Variants in SZT2 observed in about 807,000 individuals in gnomAD.
The protein encoded by SZT2 is KICSTOR complex protein SZT2.
Under a neutral mutation model 404.2 loss-of-function variants are expected in SZT2, and 216 were observed. That is an observed-to-expected ratio of 0.53 (90% CI 0.48 to 0.60). The LOEUF is 0.60. SZT2 is among the 20% of genes least tolerant of loss of function. The pLI is 0.00. For synonymous variants in SZT2, 1,693 were observed against 1,749.9 expected, an observed-to-expected ratio of 0.97 and a Z score of 0.81; for missense variants, 3,857 against 4,459.2, an observed-to-expected ratio of 0.86 and a Z score of 3.85.
rs751451028 is a variant in SZT2, at chr1:43,450,388, G to A, written c.10207G>A (p.Glu3403Lys). The change falls in exon 72 of 72, where the codon GAG (glutamate) becomes AAG (lysine). Residue 3403 changes from glutamate to lysine, a missense_variant. By Grantham distance (56) the Glu-to-Lys change is moderately conservative (BLOSUM62 1). Around this residue, in one of 7 missense-constraint regions of SZT2, gnomAD observed 717 missense variants for 868.2 expected, o/e 0.83. Transcript: ENST00000634258. This position sits in a 1 kb window ranked among gnomAD's most constrained non-coding sequence, Gnocchi z 4.3. Reference protein sequence around the residue: ...EPFPVQPQDSESPPAQLVSTY... With the variant: ...EPFPVQPQDSKSPPAQLVSTY... ...CTTCCCAGTACAGCCCCAGGACAGC[G>A]AGAGCCCCCCTGCCCAACTGGTCTC... is the stretch of plus-strand genomic sequence containing the variant. The A allele has an allele frequency of 6.8e-6, 11 of 1,613,992 alleles. No individual in the cohort carries two copies. The highest frequency in any genetic ancestry group is 1.3e-5 in the African/African-American group (1 of 74,984).
In SZT2 at chr1:43,404,457, C is replaced by T. The variant is rs908636957; in HGVS notation, c.405C>T (p.Pro135=). 1 of 1,614,076 alleles carries T rather than the reference C, an allele frequency of 6.2e-7. No homozygotes were observed. The highest frequency in any genetic ancestry group is 8.5e-7 in the Non-Finnish European group (1 of 1,180,020). Residue 135 remains proline (P), a synonymous_variant, in exon 4 of 72, where the codon CCC becomes CCT. Coordinates refer to ENST00000634258, the MANE Select transcript of SZT2 (RefSeq NM_001365999.1). ...GCTGCTTAGGCGGGCTGCTTCGGCC[C>T]TTCCGAGTGCCTGGATCTTGCATCG... is the stretch of plus-strand genomic sequence containing the variant. The part of the protein sequence containing the change: ...LSRCLGGLLR[P]FRVPGSCIDF...
Position 43,432,401 on chromosome 1 carries a change from C to A in SZT2, c.5404C>A (p.His1802Asn). The A allele has an allele frequency of 6.3e-7, 1 of 1,591,182 alleles. No individual in the cohort carries two copies. Among genetic ancestry groups the A allele is most frequent in the South Asian group, 1.1e-5 (1 of 87,234 alleles). ...GEPSSAAWAW[H>N]SHEDRAEGIE... ...GCCTTCTTCAGCGGCCTGGGCTTGG[C>A]ACAGTCATGAGGACAGGGCTGAAGG... is the stretch of plus-strand genomic sequence containing the variant. The change falls in exon 37 of 72, where the codon CAC (histidine) becomes AAC (asparagine). Residue 1802 changes from histidine (H) to asparagine (N), a missense_variant. His to Asn is a moderately conservative substitution (Grantham distance 68). Around this residue, in one of 7 missense-constraint regions of SZT2, gnomAD observed 1,725 missense variants for 1,881.0 expected, o/e 0.92. Coordinates refer to ENST00000634258, the MANE Select transcript of SZT2 (RefSeq NM_001365999.1).
Position 43,433,025 on chromosome 1 carries a change from G to C in SZT2, c.5639G>C (p.Gly1880Ala). Residue 1880 changes from glycine to alanine, a missense_variant, in exon 40 of 72, where the codon GGT becomes GCT. Physicochemically the swap from Gly to Ala is moderately conservative, Grantham distance 60. Transcript: ENST00000634258. The part of the protein sequence containing the change: ...DGGSSGSDSE[G>A]PNDTLGEKAP... The stretch of plus-strand genomic sequence containing the variant: ...GGCAGCAGTGGCTCAGACAGTGAGG[G>C]TCCCAATGACACCCTTGGTGAGAAG... 1 of 1,614,082 alleles carries C rather than the reference G, an allele frequency of 6.2e-7. No homozygotes were observed. The highest frequency in any genetic ancestry group is 8.5e-7 in the Non-Finnish European group (1 of 1,180,034).
rs199830565 is a variant in SZT2, at chr1:43,441,505, C to T, written c.7513C>T (p.Arg2505Cys). The change falls in exon 54 of 72, where the codon CGC becomes TGC. Residue 2505 changes from arginine (R) to cysteine (C), a missense_variant and splice_region_variant. By Grantham distance (180) the Arg-to-Cys change is radical. This residue lies in a region of SZT2 where 573 missense variants were observed against 592.4 expected (regional missense o/e 0.97). Coordinates refer to ENST00000634258, the MANE Select transcript of SZT2 (RefSeq NM_001365999.1). This position sits in a 1 kb window ranked among gnomAD's most constrained non-coding sequence, Gnocchi z 4.8. ...GSDSGAQRQK[R>C]RTTQLEEGEV... ...GGCTCTTACTCCCACTGTCTTCAGG[C>T]GCCGGACAACACAGCTAGAAGAGGG... The T allele has an allele frequency of 3.8e-4, 608 of 1,613,088 alleles. 1 individual carries two copies. Among genetic ancestry groups the T allele is most frequent in the Non-Finnish European group, 4.8e-4 (566 of 1,179,488 alleles).
chr1:43,446,862 A>G (rs1339177802), intron 65 of SZT2, 93 bp from the exon 66 acceptor site: 2 of 1,354,624 alleles, frequency 1.5e-6, no homozygotes, highest in African/African-American at 1.4e-5. Context: ...AGCAGGGGAA[A>G]TCTTGTGCTT....
intron 7 of SZT2, among the ~76,000 whole-genome samples, chr1:43,418,996 C>T (rs1652019903): frequency 1.3e-5 from 2 of 152,196 alleles, no homozygotes; most frequent in Admixed American, 6.5e-5. Context: ...GAGTAAGTTA[C>T]TGGAGATGAG....
At chr1:43,433,243 T>G (rs1185680074) in intron 40 of SZT2, 53 bp downstream of exon 40, 4 of 1,574,720 alleles carry the variant, frequency 2.5e-6, no homozygotes, top group Non-Finnish European at 3.5e-6. Context: ...CTCTTCTCTC[T>G]GCTCCCACAG....
intron 1 of SZT2, among the ~76,000 whole-genome samples, chr1:43,397,821 G>A (rs1036441000): frequency 2.6e-5 from 4 of 152,094 alleles, no homozygotes; most frequent in South Asian, 2.1e-4. Context: ...GAGCCACTAC[G>A]CCCGGCCCCT....
At position 43,452,560 on chromosome 1, in the gene SZT2, CT is replaced by C; in HGVS notation, c.*2083del. 1 of 621,452 alleles carries C rather than the reference CT, an allele frequency of 1.6e-6. No homozygotes were observed. Among genetic ancestry groups the C allele is most frequent in the Non-Finnish European group, 2.9e-6 (1 of 344,090 alleles). 38.5% of individuals were successfully genotyped at this position (621,452 alleles called of 1,614,324 possible). ...TCCTGCCTCCAGTACTTTCCAAAAC[CT>C]TTCCTTCCCTCGGTCCTTCTCCGCA... On this transcript the variant is annotated 3_prime_UTR_variant, in exon 72 of 72. Transcript: ENST00000634258.
chr1:43,428,084 G>C lies in SZT2; in HGVS notation c.3885G>C (p.Leu1295=). The change falls in exon 27 of 72, where the codon CTG becomes CTC. Residue 1295 remains leucine, a synonymous_variant. Transcript: ENST00000634258. ...AGGAGGCAGCTAACCACTGTGCCCT[G>C]CTGCAGGAGCATGCACAGCGGTGCT... ...RYKEAANHCA[L]LQEHAQRCYV... is the part of the protein sequence containing the mutation. 6.2e-7 allele frequency: 1 copy of C among 1,614,208 alleles called. No individual in the cohort carries two copies. The highest frequency in any genetic ancestry group is 8.5e-7 in the Non-Finnish European group (1 of 1,180,026).
rs747657843 is a variant in SZT2, at chr1:43,426,043, G to A, written c.2935G>A (p.Asp979Asn). The A allele has an allele frequency of 2.5e-6, 4 of 1,613,884 alleles. No homozygotes were observed. The highest frequency in any genetic ancestry group is 1.3e-5 in the African/African-American group (1 of 74,864). Residue 979 changes from aspartate (D) to asparagine (N), a missense_variant, in exon 21 of 72, where the codon GAT becomes AAT. Around this residue, in one of 7 missense-constraint regions of SZT2, gnomAD observed 1,725 missense variants for 1,881.0 expected, o/e 0.92. Transcript: ENST00000634258. The surrounding 1 kb of genome is among the most constrained non-coding windows in gnomAD (Gnocchi z 4.9). ...CTGTCCTTCCTCCCTCGTAGGATTG[G>A]ATCAGGGAGGAGACACCTGCGTCCA... The part of the protein sequence containing the change: ...PPEPRVSDGL[D>N]QGGDTCVHEI...
chr1:43,450,375 G>A lies in SZT2; in HGVS notation c.10194G>A (p.Gln3398=), dbSNP rs746059703. ...TTTTCCGAGAGCCCTTCCCAGTACA[G>A]CCCCAGGACAGCGAGAGCCCCCCTG... ...TVVFREPFPV[Q]PQDSESPPAQ... The change falls in exon 72 of 72, where the codon CAG becomes CAA. Residue 3398 remains glutamine (Q), a synonymous_variant. Coordinates refer to ENST00000634258, the MANE Select transcript of SZT2 (RefSeq NM_001365999.1). This position sits in a 1 kb window ranked among gnomAD's most constrained non-coding sequence, Gnocchi z 4.3. 5.0e-6 allele frequency: 8 copies of A among 1,613,954 alleles called. No homozygotes were observed. The highest frequency in any genetic ancestry group is 3.3e-5 in the South Asian group (3 of 91,066).
intron 65 of SZT2, 127 bp downstream of exon 65, chr1:43,446,543 C>A: frequency 8.8e-7 from 1 of 1,136,752 alleles, no homozygotes; most frequent in Non-Finnish European, 1.3e-6. Flanking sequence ...TGATTCACTG[C>A]TATGGCCTGG....
Position 43,452,683 on chromosome 1 carries a change from G to A in SZT2, c.*2203G>A, listed in dbSNP as rs1426880681. 2.3e-5 allele frequency: 14 copies of A among 603,462 alleles called. No individual in the cohort carries two copies. Among genetic ancestry groups the A allele is most frequent in the African/African-American group, 9.3e-5 (5 of 53,824 alleles). 37.4% of individuals were successfully genotyped at this position (603,462 alleles called of 1,614,324 possible). ...GCTGCTGTCTCTACTTCCTCTCCTC[G>A]CATCTACTTAGCCTTTTCCCATCTG... is the stretch of plus-strand genomic sequence containing the variant. On this transcript the variant is annotated 3_prime_UTR_variant, in exon 72 of 72. Coordinates refer to ENST00000634258, the MANE Select transcript of SZT2 (RefSeq NM_001365999.1).
intron 4 of SZT2, chr1:43,412,827 G>T (rs1651231755): frequency 6.6e-6 from 1 of 151,774 alleles, no homozygotes; most frequent in Non-Finnish European, 1.5e-5. Context: ...TTTTAAAATG[G>T]GATTTTTTTT....
At chr1:43,443,883 T>C (rs1655377153) in intron 62 of SZT2, 87 bp downstream of exon 62, 2 of 1,532,482 alleles carry the variant, frequency 1.3e-6, no homozygotes, top group African/African-American at 1.4e-5. Context: ...TACAAGGTCC[T>C]ATGTTGACAA....
Position 43,429,489 on chromosome 1 carries a change from CA to C in SZT2, c.4167-206del, listed in dbSNP as rs936403739. The C allele has an allele frequency of 2.4e-4, 133 of 557,414 alleles. 1 individual carries two copies. The highest frequency in any genetic ancestry group is 2.8e-4 in the Non-Finnish European group (89 of 316,236). The allele number at this position is 557,414 out of a possible 1,614,324, so 34.5% of individuals were successfully genotyped here. A position where few individuals can be genotyped will look rare whatever the true frequency, so the allele number is the denominator to read the frequency against. On this transcript the variant is annotated intron_variant, in intron 28 of 71. Coordinates refer to ENST00000634258, the MANE Select transcript of SZT2 (RefSeq NM_001365999.1). Reference sequence around the variant, plus strand: ...TCAGCAACAGAGTAAGACTCTGTCCCAAAAAAAAGGAAAGAAAAAAGAAAAA... The same window carrying C: ...TCAGCAACAGAGTAAGACTCTGTCCCAAAAAAAGGAAAGAAAAAAGAAAAA...
Position 43,441,269 on chromosome 1 carries a change from T to C in SZT2, c.7400T>C (p.Leu2467Pro). 1.2e-6 allele frequency: 2 copies of C among 1,614,250 alleles called. No individual in the cohort carries two copies. The highest frequency in any genetic ancestry group is 4.5e-5 in the East Asian group (2 of 44,886). ...GSPKTTDDIV[L>P]DRPEDTRGRR... ...CCCAAAACAACTGATGACATTGTCC[T>C]GGATCGGCCAGAAGACACTCGGGGC... The change falls in exon 53 of 72, where the codon CTG (leucine) becomes CCG (proline). Residue 2467 changes from leucine to proline, a missense_variant. Physicochemically the swap from Leu to Pro is moderately conservative, Grantham distance 98. This residue lies in a region of SZT2 where 573 missense variants were observed against 592.4 expected (regional missense o/e 0.97). Transcript: ENST00000634258. The surrounding 1 kb of genome is among the most constrained non-coding windows in gnomAD (Gnocchi z 4.8).
rs1656274631 is a variant in SZT2 at position 43,450,560 on chromosome 1, C to T, written c.*80C>T. ...ATTGCCTGCCAGAGGCAGGACTGACCAGCCCTTCTGGGCCCCAGGGCAAGC... is the reference window on the plus strand; with the variant it reads ...ATTGCCTGCCAGAGGCAGGACTGACTAGCCCTTCTGGGCCCCAGGGCAAGC... On this transcript the variant is annotated 3_prime_UTR_variant, in exon 72 of 72. Transcript: ENST00000634258. This position sits in a 1 kb window ranked among gnomAD's most constrained non-coding sequence, Gnocchi z 4.3. The T allele has an allele frequency of 3.2e-6, 5 of 1,585,968 alleles. No homozygotes were observed. The highest frequency in any genetic ancestry group is 4.3e-6 in the Non-Finnish European group (5 of 1,162,990).
Sources: allele counts gnomAD v4.1 joint callset (sites outside exome capture counted in the v4.1 genomes callset), GRCh38; gene constraint gnomAD v4.1.1; regional missense constraint gnomAD v4.1.1; non-coding constraint Gnocchi (gnomAD v3.1); transcripts MANE v1.5; gene names NCBI Gene and HGNC (gene_info 2026-07-23, HGNC 2026-07-21).